PIP4K2A: variants seen among roughly 807,000 people sequenced by gnomAD.
PIP4K2A encodes phosphatidylinositol 5-phosphate 4-kinase type-2 alpha.
A neutral mutation model predicts 42.9 loss-of-function variants in PIP4K2A; 14 were observed. That is an observed-to-expected ratio of 0.33 (90% CI 0.22 to 0.51). The LOEUF (loss-of-function observed/expected upper bound fraction) is 0.51, where lower values mean the gene tolerates loss of function less well. PIP4K2A is among the 20% of genes least tolerant of loss of function. PIP4K2A has a pLI of 0.97. For synonymous variants in PIP4K2A, 192 were observed against 192.2 expected (o/e 1.00, Z 0.01); for missense variants, 434 against 519.8 (o/e 0.83, Z 1.61).
chr10:22,612,761 TAAGAG>T (rs1485635582), intron 1 of PIP4K2A, among the ~76,000 whole-genome samples: 4 of 152,162 alleles, frequency 2.6e-5, no homozygotes, highest in Non-Finnish European at 2.9e-5. Context: ...CAATGCATCT[TAAGAG>T]AAGAGTTCAG....
At chr10:22,554,265 T>C (rs1836480633) in intron 6 of PIP4K2A, among the ~76,000 whole-genome samples, 1 of 152,218 alleles carries the variant, frequency 6.6e-6, no homozygotes, top group African/African-American at 2.4e-5. Context: ...TAATGAGCAG[T>C]GCTTATATTA....
At chr10:22,660,347 T>A (rs1839180848) in intron 1 of PIP4K2A, among the ~76,000 whole-genome samples, 1 of 152,112 alleles carries the variant, frequency 6.6e-6, no homozygotes, top group South Asian at 2.1e-4. Context: ...AGCGCGTGCC[T>A]GTAATCCCAG....
chr10:22,679,958 A>G (rs1839628552), intron 1 of PIP4K2A, among the ~76,000 whole-genome samples: 1 of 152,146 alleles, frequency 6.6e-6, no homozygotes, highest in Admixed American at 6.5e-5. Context: ...TACAACCCCT[A>G]TATTTAAATA....
chr10:22,643,023 A>C (rs769274610), intron 1 of PIP4K2A, among the ~76,000 whole-genome samples: 1 of 152,108 alleles, frequency 6.6e-6, no homozygotes, highest in African/African-American at 2.4e-5. Flanking sequence ...TTCATTAAGC[A>C]ATTTTCAAAA....
intron 1 of PIP4K2A, among the ~76,000 whole-genome samples, chr10:22,642,998 G>C (rs1838811684): frequency 6.6e-6 from 1 of 151,982 alleles, no homozygotes; most frequent in African/African-American, 2.4e-5. Context: ...ATGAGACCTG[G>C]GATTACCTGC....
At chr10:22,591,931 T>C in intron 3 of PIP4K2A, 150 bp from the exon 4 acceptor site, 2 of 636,410 alleles carry the variant, frequency 3.1e-6, no homozygotes, top group Non-Finnish European at 5.2e-6. Context: ...GACAACATTT[T>C]TACATGCATC....
At chr10:22,556,582 C>A (rs112739001) in intron 6 of PIP4K2A, among the ~76,000 whole-genome samples, 4 of 152,238 alleles carry the variant, frequency 2.6e-5, no homozygotes, top group African/African-American at 9.6e-5. Flanking sequence ...CTTAATTTTC[C>A]ATGGGTTAGT....
rs45627240 is a variant in PIP4K2A at position 22,536,957 on chromosome 10, ACCCC to A, written c.*240_*243del. The A allele has an allele frequency of 9.5e-3, 3,089 of 325,496 alleles. 108 individuals are homozygous for A. Among genetic ancestry groups the A allele is most frequent in the African/African-American group, 0.06 (2,625 of 43,976 alleles). The allele number at this position is 325,496 out of a possible 1,614,324, so 20.2% of individuals were successfully genotyped here. ...AAAATGCACACGCGCGCACACACTC[ACCCC>A]CCCCCAACACACACACACACACATA... On this transcript the variant is annotated 3_prime_UTR_variant, in exon 10 of 10. Transcript: ENST00000376573.
At position 22,705,846 on chromosome 10, in the gene PIP4K2A, G is replaced by A. The variant is rs149570807; in HGVS notation, c.144+8337C>T. Among the ~76,000 whole-genome samples the A allele has an allele frequency of 4.6e-5, 7 of 151,836 alleles. No homozygotes were observed. In the East Asian group the frequency reaches 9.7e-4, roughly 21 times the overall value. ...CCCCATTGTATTAGTCTGTTCTCAC[G>A]CTGCTGTGAAGAAATACCCAAGACT... On this transcript the variant is annotated intron_variant, in intron 1 of 9. Transcript: ENST00000376573.
At chr10:22,711,027 C>G (rs1833903356) in intron 1 of PIP4K2A, among the ~76,000 whole-genome samples, 1 of 152,150 alleles carries the variant, frequency 6.6e-6, no homozygotes, top group African/African-American at 2.4e-5. Context: ...TAGTTTAATT[C>G]TAAATGTAAC....
chr10:22,557,036 C>T (rs551378154), intron 6 of PIP4K2A, among the ~76,000 whole-genome samples: 7 of 152,266 alleles, frequency 4.6e-5, no homozygotes, highest in South Asian at 2.1e-4. Flanking sequence ...AACCAACACA[C>T]GCGTAAGGCT....
chr10:22,677,609 A>C (rs370518802), intron 1 of PIP4K2A, among the ~76,000 whole-genome samples: 37 of 152,320 alleles, frequency 2.4e-4, no homozygotes, highest in African/African-American at 8.4e-4. Flanking sequence ...TGATGGGTTC[A>C]TGCGTATTCC....
intron 1 of PIP4K2A, among the ~76,000 whole-genome samples, chr10:22,651,461 C>A (rs113982256): frequency 1.7e-3 from 264 of 152,298 alleles, no homozygotes; most frequent in African/African-American, 6.0e-3. Context: ...GTTCTCCCAG[C>A]GAGCCTGGGG....
intron 7 of PIP4K2A, among the ~76,000 whole-genome samples, chr10:22,544,390 G>A (rs138032981): frequency 6.6e-6 from 1 of 152,168 alleles, no homozygotes; most frequent in Non-Finnish European, 1.5e-5. Flanking sequence ...TGGGCTGCTG[G>A]AGGACTGGGT....
chr10:22,674,655 T>C (rs536813962), intron 1 of PIP4K2A, among the ~76,000 whole-genome samples: 2 of 152,118 alleles, frequency 1.3e-5, no homozygotes, highest in African/African-American at 4.8e-5. Context: ...TACTAAGAAA[T>C]TTCCAGCCAG....
chr10:22,691,228 G>A (rs1839860282), intron 1 of PIP4K2A, among the ~76,000 whole-genome samples: 1 of 152,216 alleles, frequency 6.6e-6, no homozygotes, highest in Non-Finnish European at 1.5e-5. Context: ...CCCCTGAATA[G>A]TTCAGGCCTG....
At chr10:22,640,334 C>G (rs1013519354) in intron 1 of PIP4K2A, among the ~76,000 whole-genome samples, 1 of 152,042 alleles carries the variant, frequency 6.6e-6, no homozygotes, top group Non-Finnish European at 1.5e-5. Context: ...ATTTTGGTAC[C>G]AAAAGAAACC....
At chr10:22,589,433 G>A (rs908565081) in intron 4 of PIP4K2A, among the ~76,000 whole-genome samples, 2 of 152,126 alleles carry the variant, frequency 1.3e-5, no homozygotes, top group Non-Finnish European at 2.9e-5. Flanking sequence ...AAGCAGTGTA[G>A]AACAAATTTC....
rs1564407983 is a variant in PIP4K2A at position 22,535,549 on chromosome 10, T to C, written c.*1652A>G. 1 of 152,202 alleles carries C rather than the reference T, an allele frequency of 6.6e-6. No homozygotes were observed. The highest frequency in any genetic ancestry group is 2.4e-5 in the African/African-American group (1 of 41,452). 9.4% of individuals were successfully genotyped at this position (152,202 alleles called of 1,614,324 possible). A position where few individuals can be genotyped will look rare whatever the true frequency, so the allele number is the denominator to read the frequency against. On this transcript the variant is annotated 3_prime_UTR_variant, in exon 10 of 10. Coordinates refer to ENST00000376573, the MANE Select transcript of PIP4K2A (RefSeq NM_005028.5). ...AAAGGCAGTACGGCAGGGAGATCTGTTGAGTTGCAAGTAATAATTAAAGGG... is the reference window on the plus strand; with the variant it reads ...AAAGGCAGTACGGCAGGGAGATCTGCTGAGTTGCAAGTAATAATTAAAGGG...
Sources: allele counts gnomAD v4.1 joint callset (sites outside exome capture counted in the v4.1 genomes callset), GRCh38; gene constraint gnomAD v4.1.1; transcripts MANE v1.5; gene names NCBI Gene and HGNC (gene_info 2026-07-23, HGNC 2026-07-21).